The following SBK1 variants were observed in gnomAD, a reference collection of about 807,000 sequenced individuals.
SBK1 encodes the protein serine/threonine-protein kinase SBK1.
In SBK1, 11 loss-of-function variants were observed where a neutral mutation model predicts 24.4. The ratio of observed to expected loss-of-function variants is 0.45; its 90% CI spans 0.28 to 0.75. The LOEUF (loss-of-function observed/expected upper bound fraction) is 0.75. SBK1 is among the 30% of genes least tolerant of loss of function. The pLI, the probability that SBK1 is intolerant of heterozygous loss-of-function variation, is 0.12. For missense variants in SBK1, 467 were observed against 620.5 expected, an observed-to-expected ratio of 0.75 and a Z score of 2.63; for synonymous variants, 308 against 284.4, an observed-to-expected ratio of 1.08 and a Z score of -0.83.
intron 1 of SBK1, among the ~76,000 whole-genome samples, chr16:28,296,233 AC>A (rs2044639549): frequency 6.6e-6 from 1 of 151,514 alleles, no homozygotes; most frequent in Admixed American, 6.6e-5. Context: ...AGCTGGGATT[AC>A]AGGCACCCGC....
rs1472244402 is a variant in SBK1, at chr16:28,292,546, C to T, written c.-762C>T. 8.2e-6 allele frequency: 8 copies of T among 979,024 alleles called. No individual in the cohort carries two copies. Among genetic ancestry groups the T allele is most frequent in the African/African-American group, 1.8e-5 (1 of 56,436 alleles). The allele number at this position is 979,024 out of a possible 1,614,324, so 60.6% of individuals were successfully genotyped here. A position where few individuals can be genotyped will look rare whatever the true frequency, so the allele number is the denominator to read the frequency against. ...CCGCGATGCCGCGATGGAGCGCAGC[C>T]CGGGCGGGCGCCGGGGCCGGGGCCC... On this transcript the variant is annotated 5_prime_UTR_variant, in exon 1 of 4. Transcript: ENST00000341901.
At chr16:28,272,872 G>A (rs946188560) in intron 1 of SBK1, among the ~76,000 whole-genome samples, 2 of 150,058 alleles carry the variant, frequency 1.3e-5, no homozygotes, top group Non-Finnish European at 3.0e-5. Flanking sequence ...CACCCACTTC[G>A]GCCTCCCAAA....
intron 1 of SBK1, among the ~76,000 whole-genome samples, chr16:28,296,845 G>A (rs541469589): frequency 1.1e-4 from 17 of 152,252 alleles, no homozygotes; most frequent in Admixed American, 7.8e-4. Flanking sequence ...CTGGTTCTAG[G>A]TGCAGGTCTT....
rs576328647 is a variant in SBK1 at position 28,266,620 on chromosome 16, C to A, written c.257+7118C>A. Among the ~76,000 whole-genome samples the A allele has an allele frequency of 5.3e-5, 8 of 152,058 alleles. No individual in the cohort carries two copies. The East Asian group carries it at 1.6e-3, about 29-fold the overall frequency. Reference sequence around the variant, plus strand: ...GGATGCTACAGGCAAGAACCCATTTCTTTGATTTTTCCATCTTCCAAAAGG... The same window carrying A: ...GGATGCTACAGGCAAGAACCCATTTATTTGATTTTTCCATCTTCCAAAAGG... On this transcript the variant is annotated intron_variant, in intron 1 of 3. Coordinates refer to the SBK1 transcript ENST00000671413.
intron 1 of SBK1, among the ~76,000 whole-genome samples, chr16:28,310,764 TG>T (rs1291336249): frequency 6.6e-6 from 1 of 152,074 alleles, no homozygotes; most frequent in Non-Finnish European, 1.5e-5. Flanking sequence ...GCCAGGCAGG[TG>T]GTAAGTCCTG....
intron 1 of SBK1, among the ~76,000 whole-genome samples, chr16:28,296,970 G>A (rs1176937203): frequency 6.6e-6 from 1 of 152,138 alleles, no homozygotes; most frequent in African/African-American, 2.4e-5. Context: ...AACTTTCTAG[G>A]ACTAAGTCCA....
At chr16:28,262,777 T>G (rs528609573) in intron 1 of SBK1, among the ~76,000 whole-genome samples, 51 of 152,322 alleles carry the variant, frequency 3.3e-4, no homozygotes, top group African/African-American at 1.2e-3. Context: ...GGTGTTTTGA[T>G]GTATTAATTA....
intron 1 of SBK1, among the ~76,000 whole-genome samples, chr16:28,282,174 C>T (rs1194909501): frequency 2.0e-5 from 3 of 152,152 alleles, no homozygotes; most frequent in Non-Finnish European, 2.9e-5. Context: ...TGACCTACAC[C>T]TCCCCTGGGA....
At chr16:28,282,254 G>A (rs1014232886) in intron 1 of SBK1, among the ~76,000 whole-genome samples, 7 of 152,156 alleles carry the variant, frequency 4.6e-5, no homozygotes, top group Admixed American at 2.0e-4. Context: ...GGGACTTACC[G>A]GAGTTGAGGA....
chr16:28,323,182 ACCT>A lies in SBK1; in HGVS notation c.*2266_*2268del, dbSNP rs1235072796. On this transcript the variant is annotated 3_prime_UTR_variant, in exon 4 of 4. Coordinates refer to ENST00000341901, the MANE Select transcript of SBK1 (RefSeq NM_001024401.3). ...ACCAGGTTGGGGCCCTGGTGCTGCC[ACCT>A]CCTCTGCTGGTCGGGCTGGGACCCT... is the stretch of plus-strand genomic sequence containing the variant. 6.7e-6 allele frequency: 1 copy of A among 149,444 alleles called. No homozygotes were observed. The highest frequency in any genetic ancestry group is 1.5e-5 in the Non-Finnish European group (1 of 67,384). 9.3% of individuals were successfully genotyped at this position (149,444 alleles called of 1,614,324 possible).
chr16:28,299,358 A>C (rs2044663409), intron 1 of SBK1, among the ~76,000 whole-genome samples: 1 of 152,240 alleles, frequency 6.6e-6, no homozygotes, highest in Admixed American at 6.5e-5. Context: ...CCATCTTTAC[A>C]GATGGAAAAA....
chr16:28,272,218 T>G (rs943124029), intron 1 of SBK1, among the ~76,000 whole-genome samples: 3 of 151,910 alleles, frequency 2.0e-5, no homozygotes, highest in Admixed American at 6.6e-5. Flanking sequence ...TACAGATGCA[T>G]GCCACCATGT....
chr16:28,313,911 C>G (rs1042861677), intron 1 of SBK1, among the ~76,000 whole-genome samples: 9 of 152,040 alleles, frequency 5.9e-5, no homozygotes, highest in Non-Finnish European at 1.0e-4. Flanking sequence ...CGAGAGGATG[C>G]GGGGCTCATG....
chr16:28,298,885 G>T (rs1251422746), intron 1 of SBK1, among the ~76,000 whole-genome samples: 1 of 152,236 alleles, frequency 6.6e-6, no homozygotes, highest in South Asian at 2.1e-4. Context: ...GCTGTATAGC[G>T]CTGGGCCCCC....
chr16:28,313,425 C>T (rs980575649), intron 1 of SBK1, among the ~76,000 whole-genome samples: 2 of 151,584 alleles, frequency 1.3e-5, no homozygotes, highest in Non-Finnish European at 2.9e-5. Flanking sequence ...GGTGAAACCC[C>T]ATCTCTACAA....
Position 28,293,066 on chromosome 16 carries a change from C to T in SBK1, c.-242C>T, listed in dbSNP as rs72791856. ...AGGGGATCCCAATTCCCCCCAACTC[C>T]GGTACATAGAAATCCCAAATCTAGG... is the stretch of plus-strand genomic sequence containing the variant. On this transcript the variant is annotated 5_prime_UTR_variant, in exon 1 of 4. Coordinates refer to ENST00000341901, the MANE Select transcript of SBK1 (RefSeq NM_001024401.3). 58,353 of 985,704 alleles carry T rather than the reference C, an allele frequency of 0.059. 1,882 individuals carry two copies. The highest frequency in any genetic ancestry group is 0.065 in the Non-Finnish European group (53,904 of 830,056). 61.1% of individuals were successfully genotyped at this position (985,704 alleles called of 1,614,324 possible).
chr16:28,298,634 C>CT (rs1483532611), intron 1 of SBK1, among the ~76,000 whole-genome samples: 1 of 152,266 alleles, frequency 6.6e-6, no homozygotes, highest in African/African-American at 2.4e-5. Context: ...GGGCCTGCTG[C>CT]TTAAGTGTTT....
intron 1 of SBK1, among the ~76,000 whole-genome samples, chr16:28,277,501 A>AC (rs2141565172): frequency 6.6e-6 from 1 of 151,982 alleles, no homozygotes; most frequent in South Asian, 2.1e-4. Flanking sequence ...ATACAGTGAG[A>AC]CCCCCGTCTC....
chr16:28,297,448 G>A (rs1190012793), intron 1 of SBK1, among the ~76,000 whole-genome samples: 1 of 152,204 alleles, frequency 6.6e-6, no homozygotes, highest in Non-Finnish European at 1.5e-5. Flanking sequence ...GCTCTAGAAG[G>A]GAGTGCACCC....
Sources: gnomAD v4.1 joint callset for allele counts (sites outside exome capture counted in the v4.1 genomes callset) on GRCh38, gnomAD v4.1.1 for gene constraint, MANE v1.5 for transcripts, NCBI Gene and HGNC (gene_info 2026-07-23, HGNC 2026-07-21) for gene names.